The following COBL variants were observed in gnomAD, a reference collection of about 807,000 sequenced individuals.
The protein encoded by COBL is protein cordon-bleu.
In COBL, 51 loss-of-function variants were observed where a neutral mutation model predicts 98.8. That is an observed-to-expected ratio of 0.52 (90% CI 0.41 to 0.65). COBL has a LOEUF of 0.65. Among genes scored for constraint, COBL ranks in the 30% least tolerant of loss-of-function variants. COBL has a pLI of 0.00. For synonymous variants in COBL, 634 were observed against 651.7 expected, an observed-to-expected ratio of 0.97 and a Z score of 0.41; for missense variants, 1,617 against 1,617.5, an observed-to-expected ratio of 1.00 and a Z score of 0.01.
At chr7:51,179,417 G>C (rs2129049171) in intron 5 of COBL, among the ~76,000 whole-genome samples, 1 of 152,066 alleles carries the variant, frequency 6.6e-6, no homozygotes, top group East Asian at 1.9e-4. Flanking sequence ...TGTTGGCCAG[G>C]CTGGTCTCAA....
chr7:51,019,632 C>T (rs1786723120), intron 12 of COBL, among the ~76,000 whole-genome samples: 2 of 152,142 alleles, frequency 1.3e-5, no homozygotes, highest in African/African-American at 4.8e-5. Flanking sequence ...CCAGGAGGCT[C>T]CTCCCCGTTC....
At chr7:51,067,912 T>C (rs1471412031) in intron 7 of COBL, among the ~76,000 whole-genome samples, 1 of 152,234 alleles carries the variant, frequency 6.6e-6, no homozygotes, top group African/African-American at 2.4e-5. Flanking sequence ...GTCTCTTAAA[T>C]AAGCAGCCCC....
chr7:51,259,096 T>C (rs9642623), intron 1 of COBL, among the ~76,000 whole-genome samples: 41,520 of 151,880 alleles, frequency 0.27, 6,980 homozygotes, highest in East Asian at 0.66. Flanking sequence ...AAGACCAGCC[T>C]GACCAACATG....
chr7:51,251,298 T>C (rs542287054), intron 1 of COBL, among the ~76,000 whole-genome samples: 2 of 152,318 alleles, frequency 1.3e-5, no homozygotes, highest in South Asian at 4.1e-4. Context: ...GAACAAAATA[T>C]ATCCAACACG....
chr7:51,092,388 C>A (rs988905087), intron 6 of COBL, among the ~76,000 whole-genome samples: 1 of 152,150 alleles, frequency 6.6e-6, no homozygotes, highest in Admixed American at 6.5e-5. Flanking sequence ...TCTATGTTTT[C>A]TTCTAGTAGC....
At chr7:51,267,495 T>TA (rs1798331168) in intron 1 of COBL, among the ~76,000 whole-genome samples, 3 of 151,832 alleles carry the variant, frequency 2.0e-5, no homozygotes, top group South Asian at 2.1e-4. Flanking sequence ...TATATATATA[T>TA]TACTAGTATA....
In COBL at chr7:51,185,111, T is replaced by C. The variant is rs186664227; in HGVS notation, c.686-912A>G. On this transcript the variant is annotated intron_variant, in intron 4 of 12. Transcript: ENST00000265136. ...TCTTCATCAGGATTCTAGAGCCAGG[T>C]TGGAACCTTCCAAATTCCAGACAAG... is the stretch of plus-strand genomic sequence containing the variant. 1.1e-4 allele frequency among the ~76,000 whole-genome samples: 17 copies of C among 152,326 alleles called. No individual in the cohort carries two copies. The East Asian group carries it at 2.7e-3, about 24-fold the overall frequency.
intron 8 of COBL, chr7:51,034,531 G>C (rs1369844420): frequency 6.6e-6 from 1 of 152,260 alleles, no homozygotes; most frequent in Non-Finnish European, 1.5e-5. Context: ...GCAGGAGGGA[G>C]AGACAGCAGT....
At chr7:51,187,655 A>C (rs1170451826) in intron 4 of COBL, among the ~76,000 whole-genome samples, 2 of 152,178 alleles carry the variant, frequency 1.3e-5, no homozygotes, top group Non-Finnish European at 2.9e-5. Context: ...TGTTTTCTGT[A>C]ACAGCCTCCC....
At chr7:51,149,904 C>T (rs1202465090) in intron 5 of COBL, among the ~76,000 whole-genome samples, 1 of 152,176 alleles carries the variant, frequency 6.6e-6, no homozygotes, top group Non-Finnish European at 1.5e-5. Flanking sequence ...GGATTACAGG[C>T]ATGAGCCACT....
chr7:51,287,387 C>T (rs549769105), intron 1 of COBL, among the ~76,000 whole-genome samples: 6 of 152,290 alleles, frequency 3.9e-5, no homozygotes, highest in Non-Finnish European at 8.8e-5. Context: ...CATAAAGCTT[C>T]GCCATCGTTA....
chr7:51,284,144 A>G (rs941932522), intron 1 of COBL, among the ~76,000 whole-genome samples: 1 of 149,880 alleles, frequency 6.7e-6, no homozygotes, highest in African/African-American at 2.4e-5. Flanking sequence ...AAAAAAAAAA[A>G]AAAAAAAAGC....
At chr7:51,079,311 C>T (rs1793401034) in intron 7 of COBL, among the ~76,000 whole-genome samples, 1 of 152,084 alleles carries the variant, frequency 6.6e-6, no homozygotes, top group Admixed American at 6.5e-5. Flanking sequence ...TACAGACAGA[C>T]CTAAAATGCT....
intron 5 of COBL, among the ~76,000 whole-genome samples, chr7:51,154,510 G>A (rs1785907523): frequency 6.6e-6 from 1 of 152,182 alleles, no homozygotes; most frequent in Non-Finnish European, 1.5e-5. Context: ...AACAATAGAT[G>A]TCATTATATC....
At chr7:51,142,680 G>T (rs77678227) in intron 5 of COBL, among the ~76,000 whole-genome samples, 11,879 of 152,198 alleles carry the variant, frequency 0.078, 558 homozygotes, top group Admixed American at 0.15. Context: ...TACAGCGCCC[G>T]AGCTGGTATT....
chr7:51,273,190 A>G (rs2129166812), intron 1 of COBL, among the ~76,000 whole-genome samples: 1 of 152,132 alleles, frequency 6.6e-6, no homozygotes, highest in East Asian at 1.9e-4. Flanking sequence ...TCAGCCGGGC[A>G]TGGTGGCACA....
At chr7:51,164,304 A>C (rs965396045) in intron 5 of COBL, among the ~76,000 whole-genome samples, 1 of 152,184 alleles carries the variant, frequency 6.6e-6, no homozygotes, top group South Asian at 2.1e-4. Context: ...TAACCCAAAT[A>C]CTACTGCAAG....
At chr7:51,132,123 G>A (rs1158972216) in intron 6 of COBL, among the ~76,000 whole-genome samples, 1 of 152,190 alleles carries the variant, frequency 6.6e-6, no homozygotes, top group Non-Finnish European at 1.5e-5. Flanking sequence ...CAGCAAATTT[G>A]ATTTTTAAAT....
At chr7:51,104,594 C>T (rs1796088071) in intron 6 of COBL, among the ~76,000 whole-genome samples, 1 of 152,164 alleles carries the variant, frequency 6.6e-6, no homozygotes, top group African/African-American at 2.4e-5. Flanking sequence ...AACCAGTGCC[C>T]TCACTGGTGG....
Sources: allele counts gnomAD v4.1 joint callset (sites outside exome capture counted in the v4.1 genomes callset), GRCh38; gene constraint gnomAD v4.1.1; transcripts MANE v1.5; gene names NCBI Gene and HGNC (gene_info 2026-07-23, HGNC 2026-07-21).